Variants in PPARA observed in about 807,000 individuals in gnomAD.
PPARA encodes the protein peroxisome proliferator activated receptor alpha.
A neutral mutation model predicts 42.2 loss-of-function variants in PPARA; 22 were observed. That is an observed-to-expected ratio of 0.52 (90% CI 0.37 to 0.74). PPARA has a LOEUF of 0.74. PPARA is among the 30% of genes least tolerant of loss of function. The probability of loss-of-function intolerance (pLI) is 0.00; values close to 1 mark genes in which losing one functional copy is unlikely to be tolerated. For missense variants in PPARA, 465 were observed against 608.2 expected (o/e 0.76, Z 2.48); for synonymous variants, 242 against 239.3 (o/e 1.01, Z -0.10).
chr22:46,152,059 T>C (rs1015711454), intron 2 of PPARA, 89 bp downstream of exon 2: 18 of 152,086 alleles, frequency 1.2e-4, no homozygotes, highest in African/African-American at 4.3e-4. Flanking sequence ...ACCAGCAATC[T>C]GGGGGTTATT....
rs1272171646 is a variant in PPARA at position 46,241,148 on chromosome 22, CCT to C, written c.*5769_*5770del. The stretch of plus-strand genomic sequence containing the variant: ...GGCCTTTGCCCAGGGCATGTACTCC[CCT>C]GAGAGGCCTTCTGCCTAGAAAGATC... On this transcript the variant is annotated 3_prime_UTR_variant, in exon 9 of 9. Transcript: ENST00000407236. This position sits in a 1 kb window ranked among gnomAD's most constrained non-coding sequence, Gnocchi z 5.7. 1.3e-5 allele frequency: 2 copies of C among 152,232 alleles called. No individual in the cohort carries two copies. Among genetic ancestry groups the C allele is most frequent in the Non-Finnish European group, 2.9e-5 (2 of 68,040 alleles). The allele number at this position is 152,232 out of a possible 1,614,324, so 9.4% of individuals were successfully genotyped here.
rs889201950 is a variant in PPARA, at chr22:46,193,066, T to G, written c.-42-5276T>G. Reference sequence around the variant, plus strand: ...AAGACCCACTAGGTTTTTTGTTGTTTTGTTGTTGTTGTTGTTTTGAGACAG... The same window carrying G: ...AAGACCCACTAGGTTTTTTGTTGTTGTGTTGTTGTTGTTGTTTTGAGACAG... On this transcript the variant is annotated intron_variant, in intron 3 of 8. Transcript: ENST00000407236. The surrounding 1 kb of genome is among the most constrained non-coding windows in gnomAD (Gnocchi z 5.3). 2.0e-5 allele frequency among the ~76,000 whole-genome samples: 3 copies of G among 151,492 alleles called. No individual in the cohort carries two copies. In the Admixed American group the frequency reaches 2.0e-4, roughly 10 times the overall value.
intron 3 of PPARA, among the ~76,000 whole-genome samples, chr22:46,197,844 C>T (rs1932465245): frequency 6.6e-6 from 1 of 151,614 alleles, no homozygotes; most frequent in East Asian, 1.9e-4. Flanking sequence ...GTGGAGGTTG[C>T]AGTGAGCTGA....
rs985869332 is a variant in PPARA, at chr22:46,200,001, G to T, written c.208+1410G>T. Among the ~76,000 whole-genome samples, 1 of 152,202 alleles carries T rather than the reference G, an allele frequency of 6.6e-6. No homozygotes were observed. The highest frequency in any genetic ancestry group is 1.5e-5 in the Non-Finnish European group (1 of 68,040). On this transcript the variant is annotated intron_variant, in intron 4 of 8. Coordinates refer to ENST00000407236, the MANE Select transcript of PPARA (RefSeq NM_005036.6). The surrounding 1 kb of genome is among the most constrained non-coding windows in gnomAD (Gnocchi z 4.8). ...GCCTCCCAAAGTGCAGGGATCACAGGCATGAGCCACTGCACCCGGCCCAAT... is the reference window on the plus strand; with the variant it reads ...GCCTCCCAAAGTGCAGGGATCACAGTCATGAGCCACTGCACCCGGCCCAAT...
intron 2 of PPARA, among the ~76,000 whole-genome samples, chr22:46,166,630 A>AC (rs1927112714): frequency 6.6e-6 from 1 of 152,028 alleles, no homozygotes; most frequent in African/African-American, 2.4e-5. Flanking sequence ...AAAAAAAAAA[A>AC]ACAAAAAACA....
chr22:46,174,575 G>C (rs1225224941), intron 2 of PPARA, among the ~76,000 whole-genome samples: 1 of 152,098 alleles, frequency 6.6e-6, no homozygotes, highest in Non-Finnish European at 1.5e-5. Context: ...CCAGCACTTT[G>C]GGAAGCCGAG....
intron 5 of PPARA, among the ~76,000 whole-genome samples, chr22:46,217,941 C>T (rs1036816762): frequency 6.8e-6 from 1 of 148,134 alleles, no homozygotes; most frequent in Non-Finnish European, 1.5e-5. Context: ...AGTGATTGTC[C>T]TACCTCAGCC....
rs201869149 is a variant in PPARA at position 46,198,383 on chromosome 22, G to A, written c.-1G>A. 66 of 1,613,742 alleles carry A rather than the reference G, an allele frequency of 4.1e-5. No homozygotes were observed. The East Asian group carries it at 8.0e-4, about 20-fold the overall frequency. ...GGCACAACCAGCACCATCTGGTCGCGATGGTGGACACGGAAAGCCCACTCT... is the reference window on the plus strand; with the variant it reads ...GGCACAACCAGCACCATCTGGTCGCAATGGTGGACACGGAAAGCCCACTCT... On this transcript the variant is annotated 5_prime_UTR_variant, in exon 4 of 9. Coordinates refer to ENST00000407236, the MANE Select transcript of PPARA (RefSeq NM_005036.6).
chr22:46,192,023 C>G lies in PPARA; in HGVS notation c.-42-6319C>G, dbSNP rs113088680. On this transcript the variant is annotated intron_variant, in intron 3 of 8. Transcript: ENST00000407236. The surrounding 1 kb of genome is among the most constrained non-coding windows in gnomAD (Gnocchi z 4.3). ...GAAGTTGCGGTGAGCCGAGATCACGCCACTGTACTCCAGCCTGGTGACAGA... is the reference window on the plus strand; with the variant it reads ...GAAGTTGCGGTGAGCCGAGATCACGGCACTGTACTCCAGCCTGGTGACAGA... Among the ~76,000 whole-genome samples, 785 of 152,316 alleles carry G rather than the reference C, an allele frequency of 5.2e-3. 10 individuals carry two copies. The highest frequency in any genetic ancestry group is 0.018 in the African/African-American group (759 of 41,566).
chr22:46,200,570 G>C lies in PPARA; in HGVS notation c.208+1979G>C, dbSNP rs1264721623. 6.6e-6 allele frequency among the ~76,000 whole-genome samples: 1 copy of C among 152,248 alleles called. No homozygotes were observed. The highest frequency in any genetic ancestry group is 1.5e-5 in the Non-Finnish European group (1 of 68,036). ...ACAGTTGAACTTATGGTCTATTGTT[G>C]ACCAAAATGTCACTGTGCAGTGTGT... On this transcript the variant is annotated intron_variant, in intron 4 of 8. Coordinates refer to ENST00000407236, the MANE Select transcript of PPARA (RefSeq NM_005036.6). This position sits in a 1 kb window ranked among gnomAD's most constrained non-coding sequence, Gnocchi z 4.8.
At chr22:46,186,105 T>G (rs758998959) in intron 3 of PPARA, among the ~76,000 whole-genome samples, 11 of 151,072 alleles carry the variant, frequency 7.3e-5, no homozygotes, top group Non-Finnish European at 1.3e-4. Flanking sequence ...CTTTTCTCTT[T>G]CCTTTAAAAC....
At chr22:46,205,762 T>C (rs1933241571) in intron 4 of PPARA, among the ~76,000 whole-genome samples, 1 of 151,192 alleles carries the variant, frequency 6.6e-6, no homozygotes, top group African/African-American at 2.4e-5. Flanking sequence ...TGAACTCTGT[T>C]TAAAACATTT....
rs1555935169 is a variant in PPARA, at chr22:46,174,249, A to AGAAG, written c.-126-2480_-126-2477dup. 6.7e-4 allele frequency among the ~76,000 whole-genome samples: 8 copies of AGAAG among 11,880 alleles called. 1 individual carries two copies. Among genetic ancestry groups the AGAAG allele is most frequent in the Non-Finnish European group, 3.1e-3 (6 of 1,936 alleles). 7.8% of individuals were successfully genotyped at this position (11,880 alleles called of 152,430 possible). On this transcript the variant is annotated intron_variant, in intron 2 of 8. Transcript: ENST00000407236. ...AAGAAAGAGAGAGAGAAAGAAAGAAAGAAGGAAGGAAGGAAGGAAGGAAGG... is the reference window on the plus strand; with the variant it reads ...AAGAAAGAGAGAGAGAAAGAAAGAAAGAAGGAAGGAAGGAAGGAAGGAAGGAAGG...
rs929119068 is a variant in PPARA at position 46,230,760 on chromosome 22, C to T, written c.712-1032C>T. 9.9e-5 allele frequency among the ~76,000 whole-genome samples: 15 copies of T among 152,168 alleles called. No homozygotes were observed. Among genetic ancestry groups the T allele is most frequent in the African/African-American group, 3.6e-4 (15 of 41,436 alleles). On this transcript the variant is annotated intron_variant, in intron 7 of 8. Coordinates refer to ENST00000407236, the MANE Select transcript of PPARA (RefSeq NM_005036.6). This position sits in a 1 kb window ranked among gnomAD's most constrained non-coding sequence, Gnocchi z 5.0. ...TGCACTGAGAGAAACAAGGGCATTC[C>T]GAGGCTTTTCCACTTTATCCCTAAA...
chr22:46,197,512 T>C (rs1230177748), intron 3 of PPARA, among the ~76,000 whole-genome samples: 1 of 152,226 alleles, frequency 6.6e-6, no homozygotes, highest in East Asian at 1.9e-4. Flanking sequence ...CTCAGCGTGC[T>C]GATCAAGAGA....
Position 46,238,667 on chromosome 22 carries a change from C to T in PPARA, c.*3287C>T, listed in dbSNP as rs1601839373. The T allele has an allele frequency of 1.3e-5, 2 of 152,310 alleles. No homozygotes were observed. Among genetic ancestry groups the T allele is most frequent in the Admixed American group, 6.5e-5 (1 of 15,284 alleles). 9.4% of individuals were successfully genotyped at this position (152,310 alleles called of 1,614,324 possible). ...GGCGAGGGACTCCTCCCAGACGTGCCTCTTGTGTGCCAGCTGGCTGTGGCT... is the reference window on the plus strand; with the variant it reads ...GGCGAGGGACTCCTCCCAGACGTGCTTCTTGTGTGCCAGCTGGCTGTGGCT... On this transcript the variant is annotated 3_prime_UTR_variant, in exon 9 of 9. Transcript: ENST00000407236. The surrounding 1 kb of genome is among the most constrained non-coding windows in gnomAD (Gnocchi z 8.3).
chr22:46,220,405 C>T (rs1934905106), intron 7 of PPARA: 1 of 308,714 alleles, frequency 3.2e-6, no homozygotes, highest in South Asian at 2.9e-5. Flanking sequence ...GCCTTGAACT[C>T]CTGGGCTCAA....
chr22:46,208,568 T>C (rs911262346), intron 4 of PPARA, among the ~76,000 whole-genome samples: 1 of 150,946 alleles, frequency 6.6e-6, no homozygotes, highest in African/African-American at 2.4e-5. Flanking sequence ...AAAAAAAGTC[T>C]ATTCCTTGAG....
At position 46,161,097 on chromosome 22, in the gene PPARA, C is replaced by A. The variant is rs1601603147; in HGVS notation, c.-127+9127C>A. Among the ~76,000 whole-genome samples the A allele has an allele frequency of 2.0e-5, 3 of 152,222 alleles. No individual in the cohort carries two copies. The Middle Eastern group carries it at 0.01, about 518-fold the overall frequency. ...GTATAAGACTTAAAAGAAACAAGAA[C>A]CCAGAGGGAAAATATGGCCATGGAC... is the stretch of plus-strand genomic sequence containing the variant. On this transcript the variant is annotated intron_variant, in intron 2 of 8. Transcript: ENST00000407236. The surrounding 1 kb of genome is among the most constrained non-coding windows in gnomAD (Gnocchi z 4.8).
Sources: gnomAD v4.1 joint callset for allele counts (sites outside exome capture counted in the v4.1 genomes callset) on GRCh38, gnomAD v4.1.1 for gene constraint, Gnocchi (gnomAD v3.1) non-coding constraint, MANE v1.5 for transcripts, NCBI Gene and HGNC (gene_info 2026-07-23, HGNC 2026-07-21) for gene names.